Variants in LRP2 observed in about 807,000 individuals in gnomAD.
LRP2 encodes low-density lipoprotein receptor-related protein 2.
LRP2 carries 172 observed loss-of-function variants against 531.0 expected under a neutral mutation model. That is an observed-to-expected ratio of 0.32 (90% CI 0.29 to 0.37). The LOEUF is 0.37. LRP2 is among the 10% of genes least tolerant of loss of function. LRP2 has a pLI of 1.00. For missense variants in LRP2, 5,167 were observed against 5,868.3 expected (o/e 0.88, Z 3.90); for synonymous variants, 1,992 against 2,027.6 (o/e 0.98, Z 0.47).
chr2:169,243,564 T>G, intron 22 of LRP2, 42 bp from the exon 23 acceptor site: 1 of 1,612,862 alleles, frequency 6.2e-7, no homozygotes, highest in Non-Finnish European at 8.5e-7. Flanking sequence ...TTATTTCCTG[T>G]GCAACAAGTA....
intron 3 of LRP2, among the ~76,000 whole-genome samples, chr2:169,308,044 A>G (rs1022242844): frequency 5.3e-5 from 8 of 152,150 alleles, no homozygotes; most frequent in Non-Finnish European, 8.8e-5. Flanking sequence ...TATCCTGTAA[A>G]TCTGAGGCAG....
intron 1 of LRP2, among the ~76,000 whole-genome samples, chr2:169,348,357 G>C (rs1217033261): frequency 1.3e-5 from 2 of 152,138 alleles, no homozygotes; most frequent in African/African-American, 2.4e-5. Context: ...AGTGGCCATG[G>C]GTCCTTTTCA....
chr2:169,183,190 G>C (rs148032402), intron 50 of LRP2, among the ~76,000 whole-genome samples: 6 of 152,330 alleles, frequency 3.9e-5, no homozygotes, highest in African/African-American at 1.4e-4. Context: ...CCTTCCAAAA[G>C]ACCTGAATGC....
At chr2:169,234,359 A>G (rs1471089195) in intron 29 of LRP2, among the ~76,000 whole-genome samples, 1 of 151,824 alleles carries the variant, frequency 6.6e-6, no homozygotes, top group Non-Finnish European at 1.5e-5. Flanking sequence ...ATGTGTTCTC[A>G]TTGTTCAACT....
In LRP2 at chr2:169,270,976, C is replaced by T. The variant is rs779934241; in HGVS notation, c.2248G>A (p.Ala750Thr). Residue 750 changes from alanine (A) to threonine (T), a missense_variant, in exon 16 of 79, where the codon GCC (alanine) becomes ACC (threonine). Ala to Thr is a moderately conservative substitution (Grantham distance 58). Transcript: ENST00000649046. ...PSFFVGIDFD[A>T]QDSTIFFSDM... ...GAAAAAAAGATAGTGCTGTCCTGGG[C>T]GTCAAAATCAATCCCGACAAAGAAA... 1.7e-5 allele frequency: 28 copies of T among 1,613,038 alleles called. No individual in the cohort carries two copies. The highest frequency in any genetic ancestry group is 2.0e-5 in the Non-Finnish European group (24 of 1,179,586).
At chr2:169,237,958 G>C in intron 27 of LRP2, 133 bp downstream of exon 27, 1 of 761,938 alleles carries the variant, frequency 1.3e-6, no homozygotes, top group Non-Finnish European at 2.3e-6. Context: ...AAGTCTCTTG[G>C]GTATGATGTG....
intron 44 of LRP2, among the ~76,000 whole-genome samples, chr2:169,199,735 T>C (rs1688130952): frequency 6.6e-6 from 1 of 152,194 alleles, no homozygotes; most frequent in Non-Finnish European, 1.5e-5. Flanking sequence ...GGACATAATC[T>C]AAAAAGCAAG....
Position 169,151,395 on chromosome 2 carries a change from T to C in LRP2, c.12462-369A>G, listed in dbSNP as rs143766473. ...TTGCTCGTCCCCAAGATAACTACCA[T>C]AGACACAGCAGTCAGACTGGCCTCT... On this transcript the variant is annotated intron_variant, in intron 67 of 78. Transcript: ENST00000649046. Among the ~76,000 whole-genome samples, 1,457 of 152,220 alleles carry C rather than the reference T, an allele frequency of 9.6e-3. 21 individuals are homozygous for C. The highest frequency in any genetic ancestry group is 0.033 in the African/African-American group (1,371 of 41,538).
chr2:169,349,049 T>G (rs1328717021), intron 1 of LRP2, among the ~76,000 whole-genome samples: 1 of 152,220 alleles, frequency 6.6e-6, no homozygotes, highest in Non-Finnish European at 1.5e-5. Flanking sequence ...TTCATTTATT[T>G]AGCCCTTTTC....
At chr2:169,147,776 C>T (rs1274451115) in intron 68 of LRP2, among the ~76,000 whole-genome samples, 2 of 152,224 alleles carry the variant, frequency 1.3e-5, no homozygotes, top group Middle Eastern at 3.4e-3. Context: ...GAGGAGAGAT[C>T]CCGGTTGTAA....
intron 55 of LRP2, 64 bp from the exon 56 acceptor site, chr2:169,174,228 A>G: frequency 1.2e-6 from 2 of 1,601,604 alleles, no homozygotes; most frequent in South Asian, 1.1e-5. Context: ...CCTAATTGAC[A>G]TCAGTGAATC....
At chr2:169,362,276 C>A (rs1418396022) in intron 1 of LRP2, 45 bp downstream of exon 1, 2 of 1,498,856 alleles carry the variant, frequency 1.3e-6, no homozygotes, top group African/African-American at 1.4e-5. Flanking sequence ...CCTGCCACAG[C>A]CGGGGAAGTG....
intron 63 of LRP2, among the ~76,000 whole-genome samples, chr2:169,161,948 G>C (rs138596806): frequency 0.014 from 2,109 of 152,214 alleles, 45 homozygotes; most frequent in African/African-American, 0.047. Context: ...CAACGTGCAG[G>C]TTTGTTACAT....
intron 15 of LRP2, among the ~76,000 whole-genome samples, chr2:169,271,959 C>T (rs1434417942): frequency 6.6e-6 from 1 of 151,994 alleles, no homozygotes; most frequent in African/African-American, 2.4e-5. Context: ...ATGCCCAAGA[C>T]AAAGATAAAA....
chr2:169,327,708 G>A (rs549470494), intron 1 of LRP2, among the ~76,000 whole-genome samples: 1 of 125,714 alleles, frequency 8.0e-6, no homozygotes, highest in Non-Finnish European at 1.7e-5. Context: ...GAGGGAGGTG[G>A]GGGGATCAGC....
At position 169,165,678 on chromosome 2, in the gene LRP2, T is replaced by C. The variant is rs535549753; in HGVS notation, c.11758+254A>G. On this transcript the variant is annotated intron_variant, in intron 62 of 78. Transcript: ENST00000649046. Reference sequence around the variant, plus strand: ...TGAGAAAAGAGGAGGGGAAGGCTTATTAAATGTTCAAACAAAGACTGAAAA... The same window carrying C: ...TGAGAAAAGAGGAGGGGAAGGCTTACTAAATGTTCAAACAAAGACTGAAAA... 3.9e-5 allele frequency among the ~76,000 whole-genome samples: 6 copies of C among 152,356 alleles called. No homozygotes were observed. The South Asian group carries it at 1.2e-3, about 32-fold the overall frequency.
At chr2:169,338,291 A>AAGG (rs1553515970) in intron 1 of LRP2, among the ~76,000 whole-genome samples, 1 of 143,984 alleles carries the variant, frequency 6.9e-6, no homozygotes, top group Non-Finnish European at 1.5e-5. Context: ...AAGAAAGAAA[A>AAGG]AAGGAAGGAA....
chr2:169,134,730 C>T (rs1450403471), intron 76 of LRP2, among the ~76,000 whole-genome samples: 2 of 152,142 alleles, frequency 1.3e-5, no homozygotes, highest in African/African-American at 4.8e-5. Context: ...ATATGCCTTC[C>T]ATATCCTGCA....
rs778774498 is a variant in LRP2 at position 169,198,852 on chromosome 2, G to A, written c.8512C>T (p.Arg2838Cys). 2 of 1,613,756 alleles carry A rather than the reference G, an allele frequency of 1.2e-6. No individual in the cohort carries two copies. Among genetic ancestry groups the A allele is most frequent in the South Asian group, 1.1e-5 (1 of 91,074 alleles). ...TTGTCTCCGTCACACAAATAAACGCGAGGAATACAAATATTTGAATTATGA... is the reference window on the plus strand; with the variant it reads ...TTGTCTCCGTCACACAAATAAACGCAAGGAATACAAATATTTGAATTATGA... ...KCHNSNICIP[R>C]VYLCDGDNDC... is the part of the protein sequence containing the mutation. The change falls in exon 45 of 79, where the codon CGC becomes TGC. Residue 2838 changes from arginine to cysteine, a missense_variant. Transcript: ENST00000649046.
Sources: allele counts gnomAD v4.1 joint callset (sites outside exome capture counted in the v4.1 genomes callset), GRCh38; gene constraint gnomAD v4.1.1; transcripts MANE v1.5; gene names NCBI Gene and HGNC (gene_info 2026-07-23, HGNC 2026-07-21).